EML4: variants seen among roughly 807,000 people sequenced by gnomAD.
EML4 encodes the protein EMAP like 4.
Under a neutral mutation model 129.0 loss-of-function variants are expected in EML4, and 72 were observed. The observed-to-expected ratio is 0.56, with a 90% confidence interval of 0.46 to 0.68. The LOEUF (loss-of-function observed/expected upper bound fraction) is 0.68. Among genes scored for constraint, EML4 ranks in the 30% least tolerant of loss-of-function variants. The pLI, the probability that EML4 is intolerant of heterozygous loss-of-function variation, is 0.00. For synonymous variants in EML4, 532 were observed against 405.0 expected (o/e 1.31, Z -3.77); for missense variants, 1,363 against 1,190.6 (o/e 1.14, Z -2.13).
chr2:42,242,883 G>C (rs1558532865), intron 1 of EML4, among the ~76,000 whole-genome samples: 1 of 151,880 alleles, frequency 6.6e-6, no homozygotes, highest in African/African-American at 2.4e-5. Flanking sequence ...GTTTAAGTGA[G>C]CCTCCCATTT....
At chr2:42,260,275 C>G (rs1005412594) in intron 3 of EML4, among the ~76,000 whole-genome samples, 3 of 152,206 alleles carry the variant, frequency 2.0e-5, no homozygotes, top group East Asian at 3.9e-4. Flanking sequence ...TCAAGTGATT[C>G]TCCTGCCTCA....
chr2:42,325,999 G>T (rs1174863833), intron 20 of EML4, 155 bp from the exon 21 acceptor site: 7 of 735,046 alleles, frequency 9.5e-6, no homozygotes, highest in Non-Finnish European at 1.2e-5. Flanking sequence ...CCCTGTTAAA[G>T]TGAACACTTT....
chr2:42,184,605 G>A (rs942284522), intron 1 of EML4, among the ~76,000 whole-genome samples: 1 of 151,914 alleles, frequency 6.6e-6, no homozygotes, highest in African/African-American at 2.4e-5. Context: ...TTTGTGAACT[G>A]CTTTCTTCTT....
intron 19 of EML4, among the ~76,000 whole-genome samples, chr2:42,318,192 G>A (rs528913881): frequency 6.6e-6 from 1 of 152,338 alleles, no homozygotes; most frequent in South Asian, 2.1e-4. Flanking sequence ...AAGGTAGGCA[G>A]TGTAGCACAG....
chr2:42,187,687 G>C (rs1206137938), intron 1 of EML4, among the ~76,000 whole-genome samples: 4 of 151,274 alleles, frequency 2.6e-5, no homozygotes, highest in Admixed American at 2.0e-4. Flanking sequence ...AAAAAAAAAT[G>C]GTTGCCTTAA....
intron 17 of EML4, among the ~76,000 whole-genome samples, chr2:42,311,482 G>C (rs1668946544): frequency 6.6e-6 from 1 of 152,082 alleles, no homozygotes; most frequent in Non-Finnish European, 1.5e-5. Flanking sequence ...GAGAGCCTGG[G>C]AGGTTGAGGC....
chr2:42,243,715 G>C (rs1675186701), intron 1 of EML4, among the ~76,000 whole-genome samples: 2 of 152,210 alleles, frequency 1.3e-5, no homozygotes, highest in Non-Finnish European at 1.5e-5. Context: ...ACATGTGTAT[G>C]CATGGGAGGT....
At chr2:42,208,493 G>C (rs1672692874) in intron 1 of EML4, among the ~76,000 whole-genome samples, 1 of 148,078 alleles carries the variant, frequency 6.8e-6, no homozygotes. Context: ...GGAGTGCAGT[G>C]GTGCAATCTC....
chr2:42,274,886 T>A (rs1291648769), intron 6 of EML4, among the ~76,000 whole-genome samples: 1 of 152,164 alleles, frequency 6.6e-6, no homozygotes, highest in Non-Finnish European at 1.5e-5. Flanking sequence ...ATCAAGTATT[T>A]CAATTTTTTG....
At chr2:42,264,624 C>T (rs1665949566) in intron 5 of EML4, 82 bp from the exon 6 acceptor site, 2 of 811,468 alleles carry the variant, frequency 2.5e-6, no homozygotes, top group Non-Finnish European at 4.0e-6. Flanking sequence ...AGCATTAAAA[C>T]TTTTACAGTT....
At chr2:42,297,316 C>T (rs889327526) in intron 13 of EML4, among the ~76,000 whole-genome samples, 3 of 152,052 alleles carry the variant, frequency 2.0e-5, no homozygotes, top group East Asian at 1.9e-4. Flanking sequence ...AAATTGTTCA[C>T]GAATCTCCAA....
rs113148186 is a variant in EML4 at position 42,301,375 on chromosome 2, C to G, written c.1624C>G (p.Pro542Ala). Residue 542 changes from proline to alanine, a missense_variant, in exon 14 of 23, where the codon CCT (proline) becomes GCT (alanine). Transcript: ENST00000318522. ...KIILWDHDLNPEREIEVPDQY... is the reference protein window; with the variant it reads ...KIILWDHDLNAEREIEVPDQY... ...AATTCTGTGGGATCATGATCTGAATCCTGAAAGAGAAATAGAGGTAAGGAT... is the reference window on the plus strand; with the variant it reads ...AATTCTGTGGGATCATGATCTGAATGCTGAAAGAGAAATAGAGGTAAGGAT... 14 of 1,610,144 alleles carry G rather than the reference C, an allele frequency of 8.7e-6. No individual in the cohort carries two copies. Among genetic ancestry groups the G allele is most frequent in the African/African-American group, 6.7e-5 (5 of 74,682 alleles).
chr2:42,191,391 C>T (rs1412793303), intron 1 of EML4, among the ~76,000 whole-genome samples: 3 of 152,134 alleles, frequency 2.0e-5, no homozygotes, highest in Admixed American at 6.5e-5. Context: ...CAAAGTTTCC[C>T]TCCCTCAACA....
chr2:42,244,101 G>GT (rs147426155), intron 1 of EML4, among the ~76,000 whole-genome samples: 1,712 of 81,306 alleles, frequency 0.021, 52 homozygotes, highest in African/African-American at 0.05. Context: ...TTTGTTTTTT[G>GT]TTTTTTTTTT....
At chr2:42,201,803 C>T (rs188968842) in intron 1 of EML4, among the ~76,000 whole-genome samples, 7 of 152,024 alleles carry the variant, frequency 4.6e-5, no homozygotes, top group Admixed American at 3.3e-4. Context: ...GAAAATAGGC[C>T]GGGCATGGTG....
intron 1 of EML4, among the ~76,000 whole-genome samples, chr2:42,244,094 G>GTTTTTTGTTTTTT (rs1675219585): frequency 2.2e-5 from 1 of 44,946 alleles, no homozygotes; most frequent in Non-Finnish European, 5.1e-5. Context: ...TTTTGTTTTT[G>GTTTTTTGTTTTTT]TTTTTTGTTT....
chr2:42,197,443 C>G (rs1671961955), intron 1 of EML4, among the ~76,000 whole-genome samples: 1 of 151,926 alleles, frequency 6.6e-6, no homozygotes, highest in Non-Finnish European at 1.5e-5. Context: ...CAATAAAAAT[C>G]ACAAGTCATC....
Position 42,264,103 on chromosome 2 carries a change from G to GTTTTTTTTTTTTTTTT in EML4, c.642-592_642-577dup, listed in dbSNP as rs9309080. Among the ~76,000 whole-genome samples, 2 of 100,742 alleles carry GTTTTTTTTTTTTTTTT rather than the reference G, an allele frequency of 2.0e-5. 1 individual carries two copies. 66.1% of individuals were successfully genotyped at this position (100,742 alleles called of 152,430 possible). On this transcript the variant is annotated intron_variant, in intron 5 of 22. Coordinates refer to ENST00000318522, the MANE Select transcript of EML4 (RefSeq NM_019063.5). ...AAGGCTCCCAACTCAAACAATACGT[G>GTTTTTTTTTTTTTTTT]TTTTTTTTTTTTTTTTTTTTTTTTT...
At chr2:42,306,787 C>T (rs1166542650) in intron 17 of EML4, among the ~76,000 whole-genome samples, 3 of 151,874 alleles carry the variant, frequency 2.0e-5, no homozygotes, top group African/African-American at 7.3e-5. Flanking sequence ...GTGTGAGCCA[C>T]CGCACCTGGC....
Sources: allele counts gnomAD v4.1 joint callset (sites outside exome capture counted in the v4.1 genomes callset), GRCh38; gene constraint gnomAD v4.1.1; transcripts MANE v1.5; gene names NCBI Gene and HGNC (gene_info 2026-07-23, HGNC 2026-07-21).